Variants in KAZN observed in about 807,000 individuals in gnomAD.
KAZN encodes the protein kazrin.
KAZN carries 40 observed loss-of-function variants against 87.4 expected under a neutral mutation model. The ratio of observed to expected loss-of-function variants is 0.46; its 90% CI spans 0.36 to 0.60. The LOEUF (loss-of-function observed/expected upper bound fraction) is 0.60. Among genes scored for constraint, KAZN ranks in the 20% least tolerant of loss-of-function variants. KAZN has a pLI of 0.00. For synonymous variants in KAZN, 466 were observed against 458.3 expected, an observed-to-expected ratio of 1.02 and a Z score of -0.22; for missense variants, 898 against 1,073.9, an observed-to-expected ratio of 0.84 and a Z score of 2.29.
chr1:14,520,224 A>C (rs1334653985), intron 2 of KAZN, among the ~76,000 whole-genome samples: 1 of 152,100 alleles, frequency 6.6e-6, no homozygotes, highest in Non-Finnish European at 1.5e-5. Flanking sequence ...CCTATGATCC[A>C]TTGGGTGTGG....
At chr1:14,346,413 G>GC in intron 2 of KAZN, among the ~76,000 whole-genome samples, 1 of 152,244 alleles carries the variant, frequency 6.6e-6, no homozygotes, top group East Asian at 1.9e-4. Flanking sequence ...GCCCTCCTTT[G>GC]CACCGGTGTT....
chr1:13,925,256 T>G (rs1570294777), intron 1 of KAZN, among the ~76,000 whole-genome samples: 1 of 152,272 alleles, frequency 6.6e-6, no homozygotes, highest in Non-Finnish European at 1.5e-5. Context: ...TGTTCCTGCA[T>G]GTATCAGTGC....
At chr1:14,144,572 A>T (rs1473819542) in intron 1 of KAZN, among the ~76,000 whole-genome samples, 1 of 152,064 alleles carries the variant, frequency 6.6e-6, no homozygotes, top group Non-Finnish European at 1.5e-5. Flanking sequence ...TACAGGCATG[A>T]GCTACCACAC....
At chr1:14,041,099 AGC>A (rs1641821363) in intron 1 of KAZN, among the ~76,000 whole-genome samples, 1 of 152,160 alleles carries the variant, frequency 6.6e-6, no homozygotes, top group Admixed American at 6.5e-5. Flanking sequence ...GAATTCTTTT[AGC>A]TGTTTCTTCT....
chr1:14,804,061 T>G (rs1211742565), intron 1 of KAZN, among the ~76,000 whole-genome samples: 1 of 152,236 alleles, frequency 6.6e-6, no homozygotes, highest in Non-Finnish European at 1.5e-5. Context: ...TGCCAGCTCC[T>G]GGCCTAGCAA....
intron 1 of KAZN, among the ~76,000 whole-genome samples, chr1:14,813,208 CTT>C (rs900855952): frequency 2.6e-5 from 4 of 152,192 alleles, no homozygotes; most frequent in African/African-American, 9.6e-5. Context: ...CTTTGCTACT[CTT>C]TTCTACTTGA....
At chr1:13,897,852 C>G (rs1639101831) in intron 1 of KAZN, among the ~76,000 whole-genome samples, 1 of 152,190 alleles carries the variant, frequency 6.6e-6, no homozygotes, top group Non-Finnish European at 1.5e-5. Context: ...CCACCTTCCT[C>G]CCTCTCCAGG....
intron 8 of KAZN, among the ~76,000 whole-genome samples, chr1:15,082,350 G>A (rs1640042535): frequency 6.6e-6 from 1 of 152,178 alleles, no homozygotes; most frequent in African/African-American, 2.4e-5. Flanking sequence ...TCTGCATCCA[G>A]GCACACATTT....
chr1:14,395,376 G>C (rs938889214), intron 2 of KAZN, among the ~76,000 whole-genome samples: 5 of 152,102 alleles, frequency 3.3e-5, no homozygotes, highest in African/African-American at 7.2e-5. Context: ...GTCATGTCCT[G>C]GTAGGAAGAG....
At chr1:14,864,906 C>T (rs565515969) in intron 1 of KAZN, among the ~76,000 whole-genome samples, 38 of 152,098 alleles carry the variant, frequency 2.5e-4, no homozygotes, top group East Asian at 5.8e-4. Flanking sequence ...GAGATGCAAA[C>T]GAATTACTGC....
chr1:14,202,474 G>A lies in KAZN; in HGVS notation c.249+21882G>A, dbSNP rs139749272. Among the ~76,000 whole-genome samples the A allele has an allele frequency of 5.3e-5, 8 of 152,332 alleles. No homozygotes were observed. In the East Asian group the frequency reaches 1.5e-3, roughly 29 times the overall value. ...TTCTCCTGTATTGGAGGAGGGCTCT[G>A]TGATACCCCAGGTGCTGGGGTGCAG... On this transcript the variant is annotated intron_variant, in intron 2 of 16. Coordinates refer to the KAZN transcript ENST00000636203.
At chr1:14,252,837 A>G (rs1484005199) in intron 2 of KAZN, among the ~76,000 whole-genome samples, 1 of 152,158 alleles carries the variant, frequency 6.6e-6, no homozygotes, top group African/African-American at 2.4e-5. Flanking sequence ...TGTTGGTTCA[A>G]TGCAGGGGCT....
At chr1:14,561,252 G>T (rs1674236075) in intron 2 of KAZN, among the ~76,000 whole-genome samples, 1 of 152,146 alleles carries the variant, frequency 6.6e-6, no homozygotes, top group Admixed American at 6.5e-5. Flanking sequence ...AACTCCCAAA[G>T]AAATGGGAAT....
chr1:14,392,170 C>A (rs577094397), intron 2 of KAZN, among the ~76,000 whole-genome samples: 22 of 152,278 alleles, frequency 1.4e-4, no homozygotes, highest in African/African-American at 5.3e-4. Flanking sequence ...TCCCCTGAGC[C>A]AATGGCTTCA....
chr1:14,218,857 A>G (rs1306994066), intron 2 of KAZN, among the ~76,000 whole-genome samples: 1 of 151,910 alleles, frequency 6.6e-6, no homozygotes, highest in Non-Finnish European at 1.5e-5. Context: ...TTAAATTAGA[A>G]TATTACTATT....
At chr1:14,382,937 G>A (rs35116741) in intron 2 of KAZN, among the ~76,000 whole-genome samples, 15,238 of 148,900 alleles carry the variant, frequency 0.1, 1,048 homozygotes, top group Non-Finnish European at 0.15. Flanking sequence ...TCCCACCAAC[G>A]GTGTAAAAGT....
At chr1:14,652,272 A>G (rs1439437684) in intron 1 of KAZN, among the ~76,000 whole-genome samples, 1 of 152,126 alleles carries the variant, frequency 6.6e-6, no homozygotes, top group Non-Finnish European at 1.5e-5. Flanking sequence ...AAGTTGTGTG[A>G]TATTTTTACC....
intron 2 of KAZN, among the ~76,000 whole-genome samples, chr1:14,350,520 C>A (rs1253847534): frequency 3.9e-5 from 6 of 152,138 alleles, no homozygotes; most frequent in Admixed American, 1.3e-4. Context: ...GTCTGGAGAT[C>A]TTTTGGGTTG....
chr1:14,015,483 TTTTTTTTTTTTTTTG>T (rs1640522640), intron 1 of KAZN, among the ~76,000 whole-genome samples: 1 of 128,218 alleles, frequency 7.8e-6, no homozygotes, highest in African/African-American at 3.1e-5. Flanking sequence ...TTTTTTTTTT[TTTTTTTTTTTTTTTG>T]AGATGGAGTT....
Sources: allele counts gnomAD v4.1 joint callset (sites outside exome capture counted in the v4.1 genomes callset), GRCh38; gene constraint gnomAD v4.1.1; transcripts MANE v1.5; gene names NCBI Gene and HGNC (gene_info 2026-07-23, HGNC 2026-07-21).